Variants in GABRB2 observed in about 807,000 individuals in gnomAD.
GABRB2 encodes the protein gamma-aminobutyric acid receptor subunit beta-2.
In GABRB2, 16 loss-of-function variants were observed where a neutral mutation model predicts 54.7. The observed-to-expected ratio is 0.29, with a 90% CI of 0.20 to 0.44. GABRB2 has a LOEUF of 0.44. GABRB2 is among the 20% of genes least tolerant of loss of function. The probability of loss-of-function intolerance (pLI) is 1.00; values close to 1 mark genes in which losing one functional copy is unlikely to be tolerated. For missense variants in GABRB2, 355 were observed against 644.0 expected (o/e 0.55, Z 4.86); for synonymous variants, 244 against 233.8 (o/e 1.04, Z -0.40).
chr5:161,347,460 A>G (rs555200046), intron 5 of GABRB2, among the ~76,000 whole-genome samples: 4 of 152,238 alleles, frequency 2.6e-5, no homozygotes, highest in Middle Eastern at 3.4e-3. Context: ...AGCTCCCCGC[A>G]TGCAGAGGTA....
chr5:161,413,366 A>G (rs1431124833), intron 4 of GABRB2, among the ~76,000 whole-genome samples: 2 of 152,154 alleles, frequency 1.3e-5, no homozygotes, highest in African/African-American at 4.8e-5. Context: ...TTAAGATTAC[A>G]TAAATAGTAC....
At chr5:161,500,174 A>C (rs1013979630) in intron 3 of GABRB2, among the ~76,000 whole-genome samples, 7 of 152,184 alleles carry the variant, frequency 4.6e-5, no homozygotes, top group African/African-American at 1.4e-4. Flanking sequence ...GAGGATATGG[A>C]TATCCAAGGC....
upstream of GABRB2, chr5:161,548,359 T>C (rs1049632531): frequency 6.6e-6 from 1 of 151,936 alleles, no homozygotes; most frequent in Admixed American, 6.5e-5. Flanking sequence ...GGAACCGGAG[T>C]CCACACCAGC....
rs377360720 is a variant in GABRB2, at chr5:161,499,782, C to A, written c.238-39938G>T. ...CATCATTCTAGGAGGATGCATAAGG[C>A]AGTGGTGGCAGGGGGCAGTGCAAAG... On this transcript the variant is annotated intron_variant, in intron 3 of 9. Coordinates refer to ENST00000393959, the MANE Select transcript of GABRB2 (RefSeq NM_001371727.1). 5.3e-5 allele frequency among the ~76,000 whole-genome samples: 8 copies of A among 152,212 alleles called. No homozygotes were observed. The South Asian group carries it at 1.7e-3, about 32-fold the overall frequency.
chr5:161,531,365 T>C (rs1760456709), intron 3 of GABRB2, among the ~76,000 whole-genome samples: 2 of 152,322 alleles, frequency 1.3e-5, no homozygotes, highest in South Asian at 4.1e-4. Context: ...TATCTTTATA[T>C]GCTTGTTTAA....
chr5:161,341,481 C>T (rs1580898686), intron 5 of GABRB2, among the ~76,000 whole-genome samples: 1 of 151,466 alleles, frequency 6.6e-6, no homozygotes, highest in African/African-American at 2.4e-5. Flanking sequence ...TTCAGAGGGC[C>T]TATAAATAAA....
chr5:161,536,601 T>C (rs1399323127), intron 3 of GABRB2, among the ~76,000 whole-genome samples: 1 of 152,162 alleles, frequency 6.6e-6, no homozygotes, highest in African/African-American at 2.4e-5. Flanking sequence ...TAAAGATTGT[T>C]TCTCCACCAA....
chr5:161,455,128 G>A (rs1003925254), intron 4 of GABRB2, among the ~76,000 whole-genome samples: 1 of 152,194 alleles, frequency 6.6e-6, no homozygotes, highest in Non-Finnish European at 1.5e-5. Context: ...TGGTGTGCAT[G>A]CTTAAATTTC....
rs75780362 is a variant in GABRB2, at chr5:161,438,447, C to T, written c.458+21177G>A. 2.3e-3 allele frequency among the ~76,000 whole-genome samples: 354 copies of T among 152,260 alleles called. 6 individuals are homozygous for T. In the East Asian group the frequency reaches 0.032, roughly 14 times the overall value. ...AGACAGCTACAAATAAGTCCAGACA[C>T]TGAAGACCAGAATACACAGCTAACT... On this transcript the variant is annotated intron_variant, in intron 4 of 9. Transcript: ENST00000393959.
chr5:161,377,864 A>G (rs1755355058), intron 5 of GABRB2, among the ~76,000 whole-genome samples: 1 of 152,086 alleles, frequency 6.6e-6, no homozygotes, highest in African/African-American at 2.4e-5. Flanking sequence ...TTGCAGATCA[A>G]CTTATAAATA....
chr5:161,504,689 T>C (rs1332361640), intron 3 of GABRB2, among the ~76,000 whole-genome samples: 5 of 130,486 alleles, frequency 3.8e-5, no homozygotes, highest in African/African-American at 1.4e-4. Flanking sequence ...AAGGAAATAA[T>C]AAATATGAGT....
At chr5:161,398,127 A>G (rs1161113577) in intron 5 of GABRB2, among the ~76,000 whole-genome samples, 2 of 152,206 alleles carry the variant, frequency 1.3e-5, no homozygotes, top group Non-Finnish European at 2.9e-5. Flanking sequence ...TTGTTTAAGT[A>G]GCCAGAAATC....
At chr5:161,294,923 G>C (rs1757340579) in intron 9 of GABRB2, among the ~76,000 whole-genome samples, 1 of 152,166 alleles carries the variant, frequency 6.6e-6, no homozygotes, top group Non-Finnish European at 1.5e-5. Context: ...TGCCATTTAT[G>C]TCAGGCATTT....
At chr5:161,474,199 A>G (rs772215342) in intron 3 of GABRB2, among the ~76,000 whole-genome samples, 12 of 152,076 alleles carry the variant, frequency 7.9e-5, no homozygotes, top group Non-Finnish European at 1.5e-4. Context: ...GGAAGATCTA[A>G]AGATTGGTCT....
chr5:161,421,955 T>C (rs1756866390), intron 4 of GABRB2, among the ~76,000 whole-genome samples: 1 of 152,112 alleles, frequency 6.6e-6, no homozygotes, highest in Non-Finnish European at 1.5e-5. Context: ...GTATTAGAAA[T>C]AAAACTTAAG....
chr5:161,322,832 G>T (rs1758250718), intron 9 of GABRB2, among the ~76,000 whole-genome samples: 1 of 151,880 alleles, frequency 6.6e-6, no homozygotes, highest in Non-Finnish European at 1.5e-5. Context: ...GTTTCATAAG[G>T]ATTGCTTTGC....
chr5:161,513,567 G>T (rs930578317), intron 3 of GABRB2, among the ~76,000 whole-genome samples: 1 of 151,936 alleles, frequency 6.6e-6, no homozygotes, highest in African/African-American at 2.4e-5. Context: ...TTTATAACTG[G>T]GAGCTAAACA....
intron 5 of GABRB2, among the ~76,000 whole-genome samples, chr5:161,385,963 T>G (rs964853128): frequency 2.0e-5 from 3 of 148,248 alleles, no homozygotes; most frequent in African/African-American, 7.6e-5. Context: ...TGTGTGTGTG[T>G]GTGTGTGTGT....
At chr5:161,373,041 C>A (rs537618627) in intron 5 of GABRB2, among the ~76,000 whole-genome samples, 74 of 152,288 alleles carry the variant, frequency 4.9e-4, no homozygotes, top group Admixed American at 2.7e-3. Context: ...TATTCCAAAG[C>A]AACACACTTG....
Sources: allele counts gnomAD v4.1 joint callset (sites outside exome capture counted in the v4.1 genomes callset), GRCh38; gene constraint gnomAD v4.1.1; transcripts MANE v1.5; gene names NCBI Gene and HGNC (gene_info 2026-07-23, HGNC 2026-07-21).